SOX5: variants seen among roughly 807,000 people sequenced by gnomAD.
SOX5 encodes SRY-box transcription factor 5.
In SOX5, 9 loss-of-function variants were observed where a neutral mutation model predicts 92.0. The ratio of observed to expected loss-of-function variants is 0.10; its 90% CI spans 0.06 to 0.17. The LOEUF (loss-of-function observed/expected upper bound fraction) is 0.17, where lower values mean the gene tolerates loss of function less well. SOX5 is among the 10% of genes least tolerant of loss of function. The pLI, the probability that SOX5 is intolerant of heterozygous loss-of-function variation, is 1.00. For synonymous variants in SOX5, 344 were observed against 336.3 expected (o/e 1.02, Z -0.25); for missense variants, 642 against 944.5 (o/e 0.68, Z 4.20).
At chr12:24,311,925 T>G (rs1182597222) in intron 2 of SOX5, among the ~76,000 whole-genome samples, 1 of 152,220 alleles carries the variant, frequency 6.6e-6, no homozygotes, top group Non-Finnish European at 1.5e-5. Flanking sequence ...AAATATTTAA[T>G]AGAGTATCAA....
At chr12:24,320,189 T>A (rs990893572) in intron 2 of SOX5, among the ~76,000 whole-genome samples, 2 of 152,256 alleles carry the variant, frequency 1.3e-5, no homozygotes, top group African/African-American at 4.8e-5. Context: ...ATTACTTTAA[T>A]AGGCAAGGAA....
At chr12:24,012,081 T>C (rs1953008540) in intron 4 of SOX5, among the ~76,000 whole-genome samples, 1 of 152,056 alleles carries the variant, frequency 6.6e-6, no homozygotes, top group Non-Finnish European at 1.5e-5. Flanking sequence ...TGCATACTAA[T>C]AATTCTTCAA....
At chr12:23,773,746 T>A (rs1421626386) in intron 3 of SOX5, among the ~76,000 whole-genome samples, 1 of 152,068 alleles carries the variant, frequency 6.6e-6, no homozygotes, top group East Asian at 1.9e-4. Context: ...TTTTACATAT[T>A]TGCAGGTTTT....
chr12:23,872,255 G>A (rs371756686), intron 2 of SOX5, among the ~76,000 whole-genome samples: 7 of 137,064 alleles, frequency 5.1e-5, no homozygotes, highest in South Asian at 2.4e-4. Flanking sequence ...CTCGTGATCC[G>A]CCCGCCTCGG....
chr12:23,928,646 T>C (rs1940647247), intron 1 of SOX5, among the ~76,000 whole-genome samples: 1 of 151,928 alleles, frequency 6.6e-6, no homozygotes. Flanking sequence ...TCATTCCATA[T>C]ACAAAATAGA....
chr12:23,752,656 A>G (rs1481483069), intron 4 of SOX5, among the ~76,000 whole-genome samples: 2 of 151,800 alleles, frequency 1.3e-5, no homozygotes, highest in African/African-American at 4.8e-5. Context: ...CTCAATAACT[A>G]TGAGACTCTA....
At chr12:24,419,324 A>C (rs924757795) in intron 1 of SOX5, among the ~76,000 whole-genome samples, 4 of 152,070 alleles carry the variant, frequency 2.6e-5, no homozygotes, top group African/African-American at 4.8e-5. Flanking sequence ...ATTTTAGTAG[A>C]GACAAGGCTT....
At chr12:23,991,267 G>T (rs963354799) in intron 4 of SOX5, among the ~76,000 whole-genome samples, 3 of 151,484 alleles carry the variant, frequency 2.0e-5, no homozygotes, top group African/African-American at 7.3e-5. Context: ...GGAGGCTGAG[G>T]CAGGAGGATC....
intron 2 of SOX5, among the ~76,000 whole-genome samples, chr12:24,304,151 A>C (rs1273730675): frequency 6.6e-6 from 1 of 152,252 alleles, no homozygotes; most frequent in Non-Finnish European, 1.5e-5. Context: ...TATCATCAAG[A>C]GTCAAGGAAG....
rs768960547 is a variant in SOX5 at position 23,896,042 on chromosome 12, G to A, written c.39-18C>T. On this transcript the variant is annotated intron_variant, in intron 1 of 14. Coordinates refer to ENST00000451604, the MANE Select transcript of SOX5 (RefSeq NM_006940.6). ...AAGACATCCTGGAAGGAACAAAAGA[G>A]GAGAAAATAATGAAACCTCCACATA... The A allele has an allele frequency of 1.9e-6, 3 of 1,549,694 alleles. No individual in the cohort carries two copies. The highest frequency in any genetic ancestry group is 2.7e-6 in the Non-Finnish European group (3 of 1,122,938).
At chr12:24,496,824 G>T (rs1203151997) in intron 1 of SOX5, among the ~76,000 whole-genome samples, 2 of 152,138 alleles carry the variant, frequency 1.3e-5, no homozygotes, top group Non-Finnish European at 2.9e-5. Flanking sequence ...ACATAACTTG[G>T]TTTAAGAACA....
intron 8 of SOX5, among the ~76,000 whole-genome samples, chr12:23,627,926 A>C (rs1360686886): frequency 6.6e-6 from 1 of 151,758 alleles, no homozygotes; most frequent in Non-Finnish European, 1.5e-5. Context: ...TACCGTGCAA[A>C]TATTCTATGT....
At chr12:24,424,181 T>C (rs575136849) in intron 1 of SOX5, among the ~76,000 whole-genome samples, 1 of 152,286 alleles carries the variant, frequency 6.6e-6, no homozygotes, top group East Asian at 1.9e-4. Flanking sequence ...AGTCTGAGAA[T>C]TGACGGCACA....
chr12:24,358,063 G>A (rs761224225), intron 2 of SOX5, among the ~76,000 whole-genome samples: 2 of 152,044 alleles, frequency 1.3e-5, no homozygotes, highest in Admixed American at 6.6e-5. Context: ...GGCACGTAAC[G>A]GGCATCCAAT....
At chr12:24,190,855 T>C (rs1252043603) in intron 4 of SOX5, among the ~76,000 whole-genome samples, 1 of 152,210 alleles carries the variant, frequency 6.6e-6, no homozygotes, top group Admixed American at 6.5e-5. Flanking sequence ...CCTCTTTATA[T>C]GAATTACAGC....
intron 4 of SOX5, among the ~76,000 whole-genome samples, chr12:23,975,457 GGTT>G (rs1376722421): frequency 4.0e-5 from 6 of 151,896 alleles, no homozygotes; most frequent in African/African-American, 1.5e-4. Flanking sequence ...CATTTATGTT[GGTT>G]GTTCTGAACT....
At chr12:23,791,523 T>A (rs1303201452) in intron 3 of SOX5, among the ~76,000 whole-genome samples, 3 of 152,220 alleles carry the variant, frequency 2.0e-5, no homozygotes, top group Non-Finnish European at 4.4e-5. Context: ...CAGTGTTCAA[T>A]GGGCTGACAG....
intron 4 of SOX5, among the ~76,000 whole-genome samples, chr12:23,960,828 A>T (rs188727300): frequency 1.3e-5 from 2 of 152,218 alleles, no homozygotes; most frequent in East Asian, 3.9e-4. Context: ...AGGCACACAG[A>T]AAACTAAATT....
intron 4 of SOX5, among the ~76,000 whole-genome samples, chr12:24,129,606 T>C (rs1593427603): frequency 2.0e-5 from 3 of 152,260 alleles, no homozygotes; most frequent in South Asian, 4.1e-4. Context: ...AATGTAGAGC[T>C]GGGGCTGCCA....
Sources: allele counts gnomAD v4.1 joint callset (sites outside exome capture counted in the v4.1 genomes callset), GRCh38; gene constraint gnomAD v4.1.1; transcripts MANE v1.5; gene names NCBI Gene and HGNC (gene_info 2026-07-23, HGNC 2026-07-21).